FAT3: variants seen among roughly 807,000 people sequenced by gnomAD.
FAT3 encodes protocadherin Fat 3.
A neutral mutation model predicts 310.2 loss-of-function variants in FAT3; 95 were observed. The observed-to-expected ratio is 0.31, with a 90% CI of 0.26 to 0.36. The LOEUF is 0.36. Ranked by LOEUF, FAT3 falls within the 10% of genes least tolerant of loss-of-function variation. FAT3 has a pLI of 1.00. For missense variants in FAT3, 5,408 were observed against 5,715.6 expected, an observed-to-expected ratio of 0.95 and a Z score of 1.74; for synonymous variants, 2,314 against 2,192.9, an observed-to-expected ratio of 1.06 and a Z score of -1.54.
chr11:92,574,538 T>C (rs1232694014), intron 3 of FAT3, among the ~76,000 whole-genome samples: 1 of 152,126 alleles, frequency 6.6e-6, no homozygotes, highest in African/African-American at 2.4e-5. Context: ...CTATGGGAAA[T>C]GTACTCACCA....
chr11:92,261,272 G>C (rs1487943874), intron 1 of FAT3, among the ~76,000 whole-genome samples: 1 of 152,050 alleles, frequency 6.6e-6, no homozygotes, highest in East Asian at 1.9e-4. Flanking sequence ...AAATAGGAAA[G>C]GTAAGGAGGG....
chr11:92,652,081 C>A (rs1942399821), intron 3 of FAT3, among the ~76,000 whole-genome samples: 1 of 152,142 alleles, frequency 6.6e-6, no homozygotes, highest in African/African-American at 2.4e-5. Flanking sequence ...ATCATCTCAG[C>A]AACCCCAGGA....
chr11:92,253,661 G>C (rs1865212886), intron 1 of FAT3, among the ~76,000 whole-genome samples: 1 of 152,100 alleles, frequency 6.6e-6, no homozygotes, highest in East Asian at 1.9e-4. Context: ...GATTTATAGA[G>C]AGCATTTCTT....
At chr11:92,509,994 T>C (rs1953239779) in intron 2 of FAT3, among the ~76,000 whole-genome samples, 1 of 152,170 alleles carries the variant, frequency 6.6e-6, no homozygotes, top group Non-Finnish European at 1.5e-5. Context: ...AAGATTCATC[T>C]ATCTTCTACC....
chr11:92,775,153 G>A (rs1946566182), intron 7 of FAT3, among the ~76,000 whole-genome samples: 2 of 152,128 alleles, frequency 1.3e-5, no homozygotes, highest in South Asian at 4.1e-4. Context: ...GCCCAGATAT[G>A]TCCTTAGAGT....
intron 19 of FAT3, among the ~76,000 whole-genome samples, chr11:92,854,831 A>C (rs1948927783): frequency 6.6e-6 from 1 of 152,220 alleles, no homozygotes; most frequent in East Asian, 1.9e-4. Flanking sequence ...CTATTAATGT[A>C]ATATCTATAG....
chr11:92,330,234 A>T (rs1008431517), intron 1 of FAT3, among the ~76,000 whole-genome samples: 1 of 152,210 alleles, frequency 6.6e-6, no homozygotes, highest in African/African-American at 2.4e-5. Context: ...ACAAAACTCC[A>T]TGTATGTTGA....
chr11:92,709,631 G>A (rs1161033207), intron 4 of FAT3, among the ~76,000 whole-genome samples: 2 of 152,202 alleles, frequency 1.3e-5, no homozygotes, highest in African/African-American at 4.8e-5. Flanking sequence ...GAAGTTTAGG[G>A]CTCCAGGTAA....
At position 92,352,448 on chromosome 11, in the gene FAT3, C is replaced by T. The variant is rs1021444484; in HGVS notation, c.336C>T (p.Gly112=). The T allele has an allele frequency of 1.2e-6, 2 of 1,612,356 alleles. No individual in the cohort carries two copies. The highest frequency in any genetic ancestry group is 1.7e-6 in the Non-Finnish European group (2 of 1,179,456). The change falls in exon 2 of 28, where the codon GGC becomes GGT. Residue 112 remains glycine (G), a synonymous_variant. Coordinates refer to ENST00000525166, the MANE Select transcript of FAT3 (RefSeq NM_001367949.2). The part of the protein sequence containing the change: ...FCFLRIRTKG[G]NSAILNREIQ... The stretch of plus-strand genomic sequence containing the variant: ...TTCTCAGAATAAGAACTAAAGGTGG[C>T]AATTCTGCCATATTAAATAGGGAAA...
At position 92,354,847 on chromosome 11, in the gene FAT3, G is replaced by A. The variant is rs547976737; in HGVS notation, c.2735G>A (p.Ser912Asn). Residue 912 changes from serine (S) to asparagine (N), a missense_variant, in exon 2 of 28, where the codon AGT becomes AAT. Ser to Asn is a conservative substitution (Grantham distance 46, BLOSUM62 1). Around this residue, in one of 5 missense-constraint regions of FAT3, gnomAD observed 4,588 missense variants for 4,809.8 expected, o/e 0.95. Transcript: ENST00000525166. ...ATAGAAGCCAGGGACAAGGCAGAGA[G>A]TGGTCAGCAGCTGTTTTCAGTTGTC... Reference protein sequence around the residue: ...LKIEARDKAESGQQLFSVVTL... With the variant: ...LKIEARDKAENGQQLFSVVTL... The A allele has an allele frequency of 1.2e-6, 2 of 1,613,924 alleles. No individual in the cohort carries two copies. Among genetic ancestry groups the A allele is most frequent in the Admixed American group, 1.7e-5 (1 of 59,980 alleles).
At chr11:92,482,558 G>A (rs115307638) in intron 2 of FAT3, among the ~76,000 whole-genome samples, 2,167 of 152,268 alleles carry the variant, frequency 0.014, 40 homozygotes, top group African/African-American at 0.045. Context: ...TGACTTTCCA[G>A]CCTATCACTG....
rs886412713 is a variant in FAT3, at chr11:92,225,093, G to C, written c.-99G>C. Among the ~76,000 whole-genome samples, 11 of 152,212 alleles carry C rather than the reference G, an allele frequency of 7.2e-5. No individual in the cohort carries two copies. Among genetic ancestry groups the C allele is most frequent in the African/African-American group, 2.6e-4 (11 of 41,552 alleles). On this transcript the variant is annotated 5_prime_UTR_variant, in exon 1 of 28. Transcript: ENST00000525166. ...CAGCAGCCGGGGGACCGGCTCGCCC[G>C]GAGCAAGAGCGCCGAGCACCGGGTG...
intron 6 of FAT3, among the ~76,000 whole-genome samples, chr11:92,768,919 CACTT>C (rs1946389204): frequency 1.3e-5 from 2 of 152,190 alleles, no homozygotes; most frequent in Non-Finnish European, 1.5e-5. Flanking sequence ...CTTGGCATGA[CACTT>C]ACAGCTTACT....
intron 13 of FAT3, among the ~76,000 whole-genome samples, chr11:92,812,640 A>G (rs1947709074): frequency 1.3e-5 from 2 of 152,114 alleles, no homozygotes; most frequent in African/African-American, 4.8e-5. Flanking sequence ...ATAGCTGTTA[A>G]TATTTAAAAG....
chr11:92,230,080 A>C (rs138728603), intron 1 of FAT3, among the ~76,000 whole-genome samples: 134 of 152,238 alleles, frequency 8.8e-4, no homozygotes, highest in African/African-American at 3.1e-3. Flanking sequence ...GGAGTCCTTG[A>C]GCAGTTGTTA....
rs1052393821 is a variant in FAT3 at position 92,355,387 on chromosome 11, G to T, written c.3275G>T (p.Ser1092Ile). 6.2e-7 allele frequency: 1 copy of T among 1,610,648 alleles called. No individual in the cohort carries two copies. Among genetic ancestry groups the T allele is most frequent in the Non-Finnish European group, 8.5e-7 (1 of 1,177,412 alleles). The change falls in exon 2 of 28, where the codon AGT becomes ATT. Residue 1092 changes from serine to isoleucine, a missense_variant. Physicochemically the swap from Ser to Ile is moderately radical, Grantham distance 142 (BLOSUM62 -2). Coordinates refer to ENST00000525166, the MANE Select transcript of FAT3 (RefSeq NM_001367949.2). ...GATGGCAGTGGTCTTGGAAGGTTCA[G>T]TATAGACGACGAGAGTGGTAAGTGT... Reference protein sequence around the residue: ...IRDGSGLGRFSIDDESGVITA... With the variant: ...IRDGSGLGRFIIDDESGVITA...
chr11:92,715,233 G>A (rs369732671), intron 4 of FAT3, among the ~76,000 whole-genome samples: 9 of 147,272 alleles, frequency 6.1e-5, no homozygotes, highest in African/African-American at 1.8e-4. Context: ...GTGAAAGCCC[G>A]TCTCCACTAA....
chr11:92,488,001 G>C (rs1952473393), intron 2 of FAT3, among the ~76,000 whole-genome samples: 1 of 152,162 alleles, frequency 6.6e-6, no homozygotes, highest in South Asian at 2.1e-4. Flanking sequence ...CTAAGCAATA[G>C]AAAATAGCAA....
At chr11:92,364,664 C>T (rs542601380) in intron 2 of FAT3, among the ~76,000 whole-genome samples, 2 of 152,230 alleles carry the variant, frequency 1.3e-5, no homozygotes, top group Non-Finnish European at 2.9e-5. Flanking sequence ...CATGTCTTAT[C>T]GACAGACAGA....
Sources: allele counts gnomAD v4.1 joint callset (sites outside exome capture counted in the v4.1 genomes callset), GRCh38; gene constraint gnomAD v4.1.1; regional missense constraint gnomAD v4.1.1; transcripts MANE v1.5; gene names NCBI Gene and HGNC (gene_info 2026-07-23, HGNC 2026-07-21).